Variants in ATP8A2 observed in about 807,000 individuals in gnomAD.
The protein encoded by ATP8A2 is phospholipid-transporting ATPase IB.
A neutral mutation model predicts 165.6 loss-of-function variants in ATP8A2; 100 were observed. The observed-to-expected ratio is 0.60, with a 90% confidence interval of 0.51 to 0.71. ATP8A2 has a LOEUF of 0.71. Ranked by LOEUF, ATP8A2 falls within the 30% of genes least tolerant of loss-of-function variation. The pLI is 0.00. For missense variants in ATP8A2, 1,227 were observed against 1,479.5 expected (o/e 0.83, Z 2.80); for synonymous variants, 543 against 548.8 (o/e 0.99, Z 0.15).
chr13:25,602,705 T>C (rs2040418831), intron 24 of ATP8A2, among the ~76,000 whole-genome samples: 1 of 151,880 alleles, frequency 6.6e-6, no homozygotes, highest in Admixed American at 6.6e-5. Flanking sequence ...GTGTAGAGCA[T>C]TGTTAGGAGA....
rs1483273372 is a variant in ATP8A2, at chr13:25,953,466, C to T, written c.3184-8109C>T. Reference sequence around the variant, plus strand: ...CCTTTATTACATCTTTTCAAATCCACGCCACATTGGGGAACACAAACTGAC... The same window carrying T: ...CCTTTATTACATCTTTTCAAATCCATGCCACATTGGGGAACACAAACTGAC... On this transcript the variant is annotated intron_variant, in intron 33 of 36. Coordinates refer to ENST00000381655, the MANE Select transcript of ATP8A2 (RefSeq NM_016529.6). The surrounding 1 kb of genome is among the most constrained non-coding windows in gnomAD (Gnocchi z 6.7). Among the ~76,000 whole-genome samples the T allele has an allele frequency of 2.7e-5, 4 of 149,824 alleles. No individual in the cohort carries two copies. Among genetic ancestry groups the T allele is most frequent in the Non-Finnish European group, 4.4e-5 (3 of 67,776 alleles).
At chr13:26,015,592 A>G (rs1466498943) in intron 36 of ATP8A2, among the ~76,000 whole-genome samples, 3 of 151,766 alleles carry the variant, frequency 2.0e-5, no homozygotes, top group Non-Finnish European at 4.4e-5. Context: ...TTCCAAAATA[A>G]TGAAAAAAAA....
In ATP8A2 at chr13:25,493,249, A is replaced by G. The variant is rs1020202445; in HGVS notation, c.221+24128A>G. 2.6e-5 allele frequency among the ~76,000 whole-genome samples: 4 copies of G among 152,238 alleles called. No homozygotes were observed. The South Asian group carries it at 8.3e-4, about 32-fold the overall frequency. On this transcript the variant is annotated intron_variant, in intron 2 of 36. Transcript: ENST00000381655. ...TAATTTTTACTCTGGCCTTATGCTC[A>G]TTAATTATTTCTGTCTTAAACTTGG...
intron 25 of ATP8A2, among the ~76,000 whole-genome samples, chr13:25,729,979 G>A (rs941233425): frequency 6.6e-6 from 1 of 152,080 alleles, no homozygotes; most frequent in Non-Finnish European, 1.5e-5. Context: ...GCTTGTTTTT[G>A]TTCACATCTA....
intron 24 of ATP8A2, among the ~76,000 whole-genome samples, chr13:25,687,008 A>G (rs1425870067): frequency 6.6e-6 from 1 of 152,158 alleles, no homozygotes. Context: ...TACTGACTGT[A>G]TGAATGGCCC....
intron 25 of ATP8A2, among the ~76,000 whole-genome samples, chr13:25,715,233 A>T (rs2043232053): frequency 6.6e-6 from 1 of 152,198 alleles, no homozygotes; most frequent in Admixed American, 6.5e-5. Context: ...CAGGTCTGCA[A>T]GTCTCATTGG....
At chr13:25,393,297 T>G (rs531434452) in intron 1 of ATP8A2, among the ~76,000 whole-genome samples, 35 of 152,122 alleles carry the variant, frequency 2.3e-4, no homozygotes, top group Non-Finnish European at 4.3e-4. Flanking sequence ...GCTTGGCTAA[T>G]TATCTTTTAT....
chr13:25,771,290 C>T (rs886651415), intron 26 of ATP8A2, among the ~76,000 whole-genome samples: 5 of 152,138 alleles, frequency 3.3e-5, no homozygotes, highest in African/African-American at 1.2e-4. Context: ...GGGGGCCGGC[C>T]CCACGCACAC....
chr13:25,386,426 T>C (rs1593237672), intron 1 of ATP8A2, among the ~76,000 whole-genome samples: 1 of 152,142 alleles, frequency 6.6e-6, no homozygotes, highest in Non-Finnish European at 1.5e-5. Flanking sequence ...CAGGCTGAGG[T>C]GGCACCCATT....
intron 24 of ATP8A2, among the ~76,000 whole-genome samples, chr13:25,688,482 T>G (rs2042652689): frequency 6.6e-6 from 1 of 152,196 alleles, no homozygotes; most frequent in African/African-American, 2.4e-5. Flanking sequence ...TTTCTACATT[T>G]TTTGCTTATT....
chr13:25,912,132 A>T (rs772111365), intron 33 of ATP8A2, among the ~76,000 whole-genome samples: 8 of 148,392 alleles, frequency 5.4e-5, no homozygotes, highest in Non-Finnish European at 8.9e-5. Context: ...CAATCAATGG[A>T]TGAATGGATA....
intron 2 of ATP8A2, among the ~76,000 whole-genome samples, chr13:25,484,629 C>G (rs1295323106): frequency 9.2e-5 from 14 of 152,060 alleles, no homozygotes; most frequent in Admixed American, 9.2e-4. Context: ...ATTCTCCTGC[C>G]TCAGCTTCCT....
chr13:25,630,346 G>A (rs2041210841), intron 24 of ATP8A2, among the ~76,000 whole-genome samples: 1 of 151,086 alleles, frequency 6.6e-6, no homozygotes, highest in African/African-American at 2.5e-5. Context: ...CGTGTGTCCA[G>A]GAGAAGTGGC....
At position 25,545,424 on chromosome 13, in the gene ATP8A2, A is replaced by C. The variant is rs573531642; in HGVS notation, c.891+2022A>C. Among the ~76,000 whole-genome samples the C allele has an allele frequency of 8.5e-5, 13 of 152,196 alleles. No homozygotes were observed. The South Asian group carries it at 2.7e-3, about 32-fold the overall frequency. ...GAATAGTTTAGTGCTGTAGCCATGCAAGAACTCAGGAGGCTGAGATGGGTG... is the reference window on the plus strand; with the variant it reads ...GAATAGTTTAGTGCTGTAGCCATGCCAGAACTCAGGAGGCTGAGATGGGTG... On this transcript the variant is annotated intron_variant, in intron 10 of 36. Transcript: ENST00000381655.
At chr13:25,903,996 T>C (rs1953850441) in intron 33 of ATP8A2, among the ~76,000 whole-genome samples, 1 of 152,214 alleles carries the variant, frequency 6.6e-6, no homozygotes, top group Non-Finnish European at 1.5e-5. Flanking sequence ...GTACAAACTC[T>C]GCAGATTGAG....
At chr13:25,399,368 A>G (rs2033541577) in intron 1 of ATP8A2, among the ~76,000 whole-genome samples, 1 of 143,252 alleles carries the variant, frequency 7.0e-6, no homozygotes, top group South Asian at 2.3e-4. Context: ...ACTGGTGTAT[A>G]GTAAGATCCT....
intron 2 of ATP8A2, among the ~76,000 whole-genome samples, chr13:25,528,607 C>T (rs988901853): frequency 2.0e-5 from 3 of 152,164 alleles, no homozygotes; most frequent in Admixed American, 6.5e-5. Context: ...GAGCCCTTCG[C>T]CCTTCTATTG....
At chr13:25,512,794 C>G (rs1368845926) in intron 2 of ATP8A2, among the ~76,000 whole-genome samples, 6 of 143,586 alleles carry the variant, frequency 4.2e-5, no homozygotes, top group Non-Finnish European at 7.7e-5. Context: ...CTGACCCCCC[C>G]ATCTCCCTCC....
At chr13:25,849,785 G>A (rs1036020616) in intron 30 of ATP8A2, among the ~76,000 whole-genome samples, 7 of 152,174 alleles carry the variant, frequency 4.6e-5, no homozygotes, top group Admixed American at 2.0e-4. Context: ...CTCACCTGCT[G>A]CCTTGGGTCA....
Sources: allele counts gnomAD v4.1 joint callset (sites outside exome capture counted in the v4.1 genomes callset), GRCh38; gene constraint gnomAD v4.1.1; non-coding constraint Gnocchi (gnomAD v3.1); transcripts MANE v1.5; gene names NCBI Gene and HGNC (gene_info 2026-07-23, HGNC 2026-07-21).